The following CLIP2 variants were observed in gnomAD, a reference collection of about 807,000 sequenced individuals.
The protein encoded by CLIP2 is CAP-Gly domain-containing linker protein 2.
In CLIP2, 41 loss-of-function variants were observed where a neutral mutation model predicts 111.7. The ratio of observed to expected loss-of-function variants is 0.37; its 90% confidence interval spans 0.29 to 0.48. CLIP2 has a LOEUF of 0.48. Among genes scored for constraint, CLIP2 ranks in the 20% least tolerant of loss-of-function variants. The probability of loss-of-function intolerance (pLI) is 0.99; values close to 1 mark genes in which losing one functional copy is unlikely to be tolerated. For synonymous variants in CLIP2, 660 were observed against 644.2 expected (o/e 1.02, Z -0.37); for missense variants, 1,160 against 1,422.1 (o/e 0.82, Z 2.96).
At chr7:74,340,125 G>A (rs1383491129) in intron 3 of CLIP2, among the ~76,000 whole-genome samples, 1 of 151,660 alleles carries the variant, frequency 6.6e-6, no homozygotes, top group African/African-American at 2.4e-5. Context: ...GCCAAGCACG[G>A]TGGCTCACAC....
chr7:74,298,925 A>G (rs1554726398), intron 1 of CLIP2, among the ~76,000 whole-genome samples: 1 of 152,170 alleles, frequency 6.6e-6, no homozygotes, highest in East Asian at 1.9e-4. Flanking sequence ...GGCACGTGCA[A>G]AAGCCTGGAC....
At chr7:74,325,743 A>G (rs547694908) in intron 2 of CLIP2, among the ~76,000 whole-genome samples, 1 of 151,932 alleles carries the variant, frequency 6.6e-6, no homozygotes, top group South Asian at 2.1e-4. Context: ...GAGGCAGGAG[A>G]ATCGCTTGAA....
At chr7:74,315,774 G>A (rs1046790845) in intron 1 of CLIP2, among the ~76,000 whole-genome samples, 5 of 151,704 alleles carry the variant, frequency 3.3e-5, no homozygotes, top group Admixed American at 2.0e-4. Context: ...TTTCCGCCAC[G>A]TTGGCCAGGC....
At chr7:74,360,881 TC>T (rs1213750120) in intron 7 of CLIP2, among the ~76,000 whole-genome samples, 2 of 152,074 alleles carry the variant, frequency 1.3e-5, no homozygotes, top group Non-Finnish European at 2.9e-5. Context: ...AGTTCACTGT[TC>T]CTGCACTCTC....
intron 8 of CLIP2, 56 bp downstream of exon 8, chr7:74,364,371 C>A: frequency 6.6e-7 from 1 of 1,511,298 alleles, no homozygotes; most frequent in East Asian, 2.3e-5. Context: ...CTGGCCCTTG[C>A]TAGGGCAGAT....
chr7:74,373,267 G>C (rs1790687803), intron 9 of CLIP2, among the ~76,000 whole-genome samples: 1 of 152,208 alleles, frequency 6.6e-6, no homozygotes, highest in South Asian at 2.1e-4. Flanking sequence ...GGAGGCTAAG[G>C]AGGGTGGATC....
At chr7:74,310,310 A>C (rs1354202709) in intron 1 of CLIP2, among the ~76,000 whole-genome samples, 2 of 152,136 alleles carry the variant, frequency 1.3e-5, no homozygotes, top group East Asian at 3.9e-4. Context: ...GGATCCTTTC[A>C]GTCCAGGAGT....
chr7:74,397,673 T>G (rs534106052), intron 14 of CLIP2, among the ~76,000 whole-genome samples: 32 of 144,986 alleles, frequency 2.2e-4, no homozygotes, highest in Admixed American at 1.2e-3. Flanking sequence ...TTTGTTTTTT[T>G]TTTTTTTTTT....
At chr7:74,352,361 C>T (rs1466843675) in intron 3 of CLIP2, among the ~76,000 whole-genome samples, 8 of 150,798 alleles carry the variant, frequency 5.3e-5, no homozygotes, top group Admixed American at 6.6e-5. Context: ...CACTTGAACT[C>T]GGGAGGTGGA....
chr7:74,389,260 G>A lies in CLIP2; in HGVS notation c.2720+1G>A. ...GCCAGGAGCTGCTGCGGAAGGAGCG[G>A]TGAGGCGGCCGTGGGGCCGGCTGGG... is the stretch of plus-strand genomic sequence containing the variant. On this transcript the variant is annotated splice_donor_variant, in intron 13 of 16. Coordinates refer to ENST00000223398, the MANE Select transcript of CLIP2 (RefSeq NM_003388.5). LOFTEE classifies it high-confidence loss of function. 6.3e-7 allele frequency: 1 copy of A among 1,587,642 alleles called. No individual in the cohort carries two copies.
intron 4 of CLIP2, among the ~76,000 whole-genome samples, chr7:74,354,527 A>G (rs1554308127): frequency 6.6e-6 from 1 of 152,130 alleles, no homozygotes; most frequent in Non-Finnish European, 1.5e-5. Context: ...AGGCACGAGA[A>G]TCACTTGAAC....
intron 1 of CLIP2, among the ~76,000 whole-genome samples, chr7:74,291,719 G>A (rs953315331): frequency 1.3e-5 from 2 of 152,096 alleles, no homozygotes; most frequent in Non-Finnish European, 2.9e-5. Flanking sequence ...CACCCTTGCT[G>A]GTTAGCCCTG....
chr7:74,387,756 C>A (rs942910612), intron 12 of CLIP2, among the ~76,000 whole-genome samples: 1 of 152,192 alleles, frequency 6.6e-6, no homozygotes, highest in Non-Finnish European at 1.5e-5. Context: ...TGTAAACACA[C>A]GTGTGATATC....
At chr7:74,391,345 GA>G (rs1449307628) in intron 13 of CLIP2, among the ~76,000 whole-genome samples, 1 of 152,126 alleles carries the variant, frequency 6.6e-6, no homozygotes, top group Non-Finnish European at 1.5e-5. Context: ...GAGAAGTAAT[GA>G]AAATAGTTTT....
Position 74,318,569 on chromosome 7 carries a change from C to T in CLIP2, c.121+902C>T, listed in dbSNP as rs141273306. Among the ~76,000 whole-genome samples the T allele has an allele frequency of 9.1e-3, 1,390 of 152,030 alleles. 25 individuals are homozygous for T. The highest frequency in any genetic ancestry group is 0.032 in the African/African-American group (1,311 of 41,466). On this transcript the variant is annotated intron_variant, in intron 2 of 16. Transcript: ENST00000223398. ...CTCTGCTAAAAATACAAAAATTAGT[C>T]GGGCATGGTGGCGGGCGCCTATAGT...
intron 13 of CLIP2, among the ~76,000 whole-genome samples, chr7:74,395,782 T>C (rs1339380772): frequency 6.6e-6 from 1 of 152,162 alleles, no homozygotes; most frequent in Non-Finnish European, 1.5e-5. Context: ...GTCACATCCA[T>C]CAAACAGCAG....
chr7:74,375,546 CAAAAAAA>C (rs34885959), intron 9 of CLIP2, among the ~76,000 whole-genome samples: 15 of 33,182 alleles, frequency 4.5e-4, no homozygotes, highest in African/African-American at 2.1e-3. Flanking sequence ...GAGCGAGACT[CAAAAAAA>C]AAAAAAAAAA....
intron 3 of CLIP2, among the ~76,000 whole-genome samples, chr7:74,340,876 C>T (rs180938520): frequency 7.9e-5 from 12 of 151,978 alleles, no homozygotes; most frequent in African/African-American, 2.4e-4. Flanking sequence ...CATTCCAACC[C>T]GAGGTGGGGA....
Position 74,338,381 on chromosome 7 carries a change from C to T in CLIP2, c.122-67C>T. 1.9e-6 allele frequency: 3 copies of T among 1,539,736 alleles called. No individual in the cohort carries two copies. The highest frequency in any genetic ancestry group is 2.6e-6 in the Non-Finnish European group (3 of 1,140,024). On this transcript the variant is annotated intron_variant, in intron 2 of 16. Transcript: ENST00000223398. This position sits in a 1 kb window ranked among gnomAD's most constrained non-coding sequence, Gnocchi z 4.3. ...CCACCTCCCAACCCTAGACTCTGTG[C>T]TCCTGGGGCCACCCAGGGGCCAGCC...
Sources: gnomAD v4.1 joint callset for allele counts (sites outside exome capture counted in the v4.1 genomes callset) on GRCh38, gnomAD v4.1.1 for gene constraint, Gnocchi (gnomAD v3.1) non-coding constraint, MANE v1.5 for transcripts, NCBI Gene and HGNC (gene_info 2026-07-23, HGNC 2026-07-21) for gene names.